Variants in DTNA observed in about 807,000 individuals in gnomAD.
The protein encoded by DTNA is dystrophin-related protein 3.
In DTNA, 43 loss-of-function variants were observed where a neutral mutation model predicts 100.7. The observed-to-expected ratio is 0.43, with a 90% CI of 0.33 to 0.55. The LOEUF is 0.55. Ranked by LOEUF, DTNA falls within the 20% of genes least tolerant of loss-of-function variation. The pLI is 0.04. For missense variants in DTNA, 798 were observed against 953.9 expected (o/e 0.84, Z 2.15); for synonymous variants, 349 against 347.9 (o/e 1.00, Z -0.04).
intron 4 of DTNA, among the ~76,000 whole-genome samples, chr18:34,795,234 T>G (rs2094920459): frequency 6.6e-6 from 1 of 152,182 alleles, no homozygotes; most frequent in Non-Finnish European, 1.5e-5. Flanking sequence ...AGTGGAGATG[T>G]TCCAGCCAGG....
chr18:34,809,352 A>G (rs969160555), intron 5 of DTNA, among the ~76,000 whole-genome samples: 11 of 152,110 alleles, frequency 7.2e-5, no homozygotes, highest in Admixed American at 6.6e-5. Flanking sequence ...AGCTACCCAG[A>G]AGGCTGAGGC....
At chr18:34,556,237 A>G (rs1322988749) in intron 1 of DTNA, among the ~76,000 whole-genome samples, 1 of 151,508 alleles carries the variant, frequency 6.6e-6, no homozygotes, top group Admixed American at 6.6e-5. Context: ...ATCTTCCTCC[A>G]TCCTTTTATT....
intron 1 of DTNA, among the ~76,000 whole-genome samples, chr18:34,509,456 GA>G (rs1401224169): frequency 5.9e-5 from 9 of 151,978 alleles, no homozygotes; most frequent in Non-Finnish European, 1.2e-4. Flanking sequence ...TGTGTCAGGT[GA>G]TTTTTTTTCC....
At chr18:34,830,952 A>G (rs2095994305) in intron 11 of DTNA, among the ~76,000 whole-genome samples, 1 of 152,086 alleles carries the variant, frequency 6.6e-6, no homozygotes, top group Non-Finnish European at 1.5e-5. Flanking sequence ...AAGTTAGTGT[A>G]TTATTATTAT....
Position 34,879,650 on chromosome 18 carries a change from C to G in DTNA, c.2093C>G (p.Ala698Gly). 1.2e-6 allele frequency: 2 copies of G among 1,614,064 alleles called. No homozygotes were observed. Among genetic ancestry groups the G allele is most frequent in the Non-Finnish European group, 1.7e-6 (2 of 1,179,990 alleles). ...CCAACCTCTGAAAAGGCTTTTCTAG[C>G]GCAAATCCATGCCCGAAAACCTGGG... Reference protein sequence around the residue: ...PSPTSEKAFLAQIHARKPGYI... With the variant: ...PSPTSEKAFLGQIHARKPGYI... The change falls in exon 20 of 23, where the codon GCG becomes GGG. Residue 698 changes from alanine to glycine, a missense_variant. Physicochemically the swap from Ala to Gly is moderately conservative, Grantham distance 60 (BLOSUM62 0). This residue lies in a region of DTNA where 242 missense variants were observed against 238.2 expected (regional missense o/e 1.02). Transcript: ENST00000444659.
intron 1 of DTNA, among the ~76,000 whole-genome samples, chr18:34,690,113 C>T (rs949818638): frequency 2.6e-5 from 4 of 152,218 alleles, no homozygotes; most frequent in Non-Finnish European, 4.4e-5. Context: ...AGCAAGACCA[C>T]TTGGCTCTCT....
intron 1 of DTNA, among the ~76,000 whole-genome samples, chr18:34,520,824 A>G (rs2042083022): frequency 6.6e-6 from 1 of 152,078 alleles, no homozygotes; most frequent in African/African-American, 2.4e-5. Context: ...AGTTGTCCTC[A>G]GATTTTCTCT....
chr18:34,705,889 A>G (rs1318348970), upstream of DTNA, among the ~76,000 whole-genome samples: 2 of 152,214 alleles, frequency 1.3e-5, no homozygotes, highest in Non-Finnish European at 2.9e-5. Flanking sequence ...AATGTATAAT[A>G]CCATAGTGTG....
chr18:34,827,581 G>A lies in DTNA; in HGVS notation c.1002-12G>A, dbSNP rs944147064. 1.2e-6 allele frequency: 2 copies of A among 1,613,486 alleles called. No individual in the cohort carries two copies. The highest frequency in any genetic ancestry group is 2.7e-5 in the African/African-American group (2 of 74,898). On this transcript the variant is annotated splice_polypyrimidine_tract_variant and intron_variant, in intron 9 of 22. Coordinates refer to ENST00000444659, the MANE Select transcript of DTNA (RefSeq NM_001386795.1). Reference sequence around the variant, plus strand: ...TGTTTTAACTTTCCATTCACCCTGTGTTTTGTTTTAGGCCTCCCAGACCTG... The same window carrying A: ...TGTTTTAACTTTCCATTCACCCTGTATTTTGTTTTAGGCCTCCCAGACCTG...
intron 1 of DTNA, among the ~76,000 whole-genome samples, chr18:34,687,065 T>C (rs1368353141): frequency 6.6e-6 from 1 of 152,174 alleles, no homozygotes; most frequent in Non-Finnish European, 1.5e-5. Context: ...GCCATCTATC[T>C]ATTTTGTTAA....
chr18:34,567,576 T>C (rs1254766187), intron 1 of DTNA, among the ~76,000 whole-genome samples: 3 of 152,158 alleles, frequency 2.0e-5, no homozygotes, highest in African/African-American at 7.2e-5. Flanking sequence ...GATTATATAA[T>C]TTTATGTCAC....
At chr18:34,721,937 A>T (rs556849603) in intron 1 of DTNA, among the ~76,000 whole-genome samples, 1 of 152,320 alleles carries the variant, frequency 6.6e-6, no homozygotes, top group South Asian at 2.1e-4. Flanking sequence ...GGAGAAAAGA[A>T]GTCGGGGCAT....
intron 2 of DTNA, chr18:34,757,110 A>G (rs1177034873): frequency 6.6e-6 from 1 of 152,222 alleles, no homozygotes; most frequent in Admixed American, 6.5e-5. Flanking sequence ...GAAAATTAAA[A>G]TTGATGTGGG....
Position 34,588,686 on chromosome 18 carries a change from A to AGTGTGTGTGTGTGCATGTGTGT in DTNA, c.-2+95185_-2+95186insCATGTGTGTGTGTGTGTGTGTG, listed in dbSNP as rs1555632822. On this transcript the variant is annotated intron_variant, in intron 1 of 19. Coordinates refer to the DTNA transcript ENST00000283365. ...GCAATTATTCCTACTTGAATATTATAGTGTGTGTGTGTGTGTGTGTGTAGA... is the reference window on the plus strand; with the variant it reads ...GCAATTATTCCTACTTGAATATTATAGTGTGTGTGTGTGCATGTGTGTGTGTGTGTGTGTGTGTGTGTGTAGA... Among the ~76,000 whole-genome samples, 232 of 149,660 alleles carry AGTGTGTGTGTGTGCATGTGTGT rather than the reference A, an allele frequency of 1.6e-3. 1 individual carries two copies. The highest frequency in any genetic ancestry group is 3.8e-3 in the African/African-American group (156 of 40,856).
intron 1 of DTNA, among the ~76,000 whole-genome samples, chr18:34,746,899 T>C (rs771087420): frequency 1.3e-4 from 20 of 152,128 alleles, no homozygotes; most frequent in Non-Finnish European, 1.8e-4. Context: ...AAGCCAAATG[T>C]CATCAAATGA....
intron 16 of DTNA, among the ~76,000 whole-genome samples, chr18:34,860,120 C>T (rs2096600836): frequency 6.6e-6 from 1 of 151,890 alleles, no homozygotes; most frequent in Non-Finnish European, 1.5e-5. Flanking sequence ...GATCTCGGCT[C>T]ACTGCAACCT....
At chr18:34,878,536 G>A (rs2096841198) in intron 19 of DTNA, among the ~76,000 whole-genome samples, 1 of 152,018 alleles carries the variant, frequency 6.6e-6, no homozygotes, top group Admixed American at 6.6e-5. Flanking sequence ...GAACTCCTGG[G>A]CTCAAACAGT....
chr18:34,570,392 A>G (rs1336387358), intron 1 of DTNA, among the ~76,000 whole-genome samples: 1 of 152,216 alleles, frequency 6.6e-6, no homozygotes, highest in Non-Finnish European at 1.5e-5. Context: ...ATGAGGTAAT[A>G]AGTTGCATTT....
rs61548676 is a variant in DTNA at position 34,644,349 on chromosome 18, T to C, written c.-1-111627T>C. On this transcript the variant is annotated intron_variant, in intron 1 of 19. Transcript: ENST00000283365. ...AATGTTAATTATTTATGACTACTTG[T>C]AATGTTTATGTTTATTAGTTGAGGT... Among the ~76,000 whole-genome samples, 615 of 152,286 alleles carry C rather than the reference T, an allele frequency of 4.0e-3. 10 individuals carry two copies. The highest frequency in any genetic ancestry group is 0.014 in the African/African-American group (591 of 41,578).
Sources: allele counts gnomAD v4.1 joint callset (sites outside exome capture counted in the v4.1 genomes callset), GRCh38; gene constraint gnomAD v4.1.1; regional missense constraint gnomAD v4.1.1; transcripts MANE v1.5; gene names NCBI Gene and HGNC (gene_info 2026-07-23, HGNC 2026-07-21).